TBC1D9: variants seen among roughly 807,000 people sequenced by gnomAD.
The protein encoded by TBC1D9 is TBC1 domain family member 9A.
TBC1D9 carries 63 observed loss-of-function variants against 132.0 expected under a neutral mutation model. The observed-to-expected ratio is 0.48, with a 90% confidence interval of 0.39 to 0.59. The LOEUF (loss-of-function observed/expected upper bound fraction) is 0.59. Ranked by LOEUF, TBC1D9 falls within the 20% of genes least tolerant of loss-of-function variation. TBC1D9 has a pLI of 0.00. For missense variants in TBC1D9, 1,261 were observed against 1,592.7 expected (o/e 0.79, Z 3.54); for synonymous variants, 610 against 609.9 (o/e 1.00, Z 0.00).
intron 1 of TBC1D9, among the ~76,000 whole-genome samples, chr4:140,736,870 TG>T (rs2111073746): frequency 6.6e-6 from 1 of 152,336 alleles, no homozygotes; most frequent in South Asian, 2.1e-4. Context: ...TCCATTCCCC[TG>T]TGGGGAAGCA....
chr4:140,661,650 C>T (rs1023902971), intron 10 of TBC1D9, among the ~76,000 whole-genome samples: 3 of 152,140 alleles, frequency 2.0e-5, no homozygotes, highest in Non-Finnish European at 4.4e-5. Flanking sequence ...TTGGTTGTTA[C>T]AACTGGGGAT....
chr4:140,688,214 C>T (rs554640380), intron 2 of TBC1D9, among the ~76,000 whole-genome samples: 7 of 152,318 alleles, frequency 4.6e-5, no homozygotes, highest in South Asian at 2.1e-4. Context: ...TAAGCTACCA[C>T]GTGTAAAAGC....
At chr4:140,687,361 T>TC (rs1451876207) in intron 2 of TBC1D9, among the ~76,000 whole-genome samples, 92 of 64,332 alleles carry the variant, frequency 1.4e-3, no homozygotes, top group African/African-American at 4.8e-3. Flanking sequence ...TATATATATA[T>TC]ATATATATAT....
At chr4:140,643,736 A>T (rs1737050711) in intron 13 of TBC1D9, 1 of 1,188,842 alleles carries the variant, frequency 8.4e-7, no homozygotes, top group Non-Finnish European at 1.2e-6. Context: ...GGCCCGGGGA[A>T]TCCACGCATG....
At chr4:140,729,359 T>C (rs1333805406) in intron 1 of TBC1D9, among the ~76,000 whole-genome samples, 1 of 152,200 alleles carries the variant, frequency 6.6e-6, no homozygotes, top group Non-Finnish European at 1.5e-5. Context: ...CAGAAGATTC[T>C]GATGATATGA....
intron 1 of TBC1D9, 36 bp downstream of exon 1, chr4:140,755,880 G>C: frequency 1.3e-6 from 2 of 1,503,034 alleles, no homozygotes; most frequent in Admixed American, 2.1e-5. Flanking sequence ...CAGCGCTCCC[G>C]GCTCCCCTCC....
intron 10 of TBC1D9, 32 bp downstream of exon 10, chr4:140,661,861 T>C (rs374302708): frequency 3.0e-5 from 46 of 1,550,336 alleles, no homozygotes; most frequent in Non-Finnish European, 3.7e-5. Flanking sequence ...TTTTATTTTA[T>C]TTTTTTAGCA....
In TBC1D9 at chr4:140,622,675, C is replaced by T. The variant is rs752873923; in HGVS notation, c.3321G>A (p.Val1107=). The T allele has an allele frequency of 3.1e-6, 5 of 1,610,698 alleles. No homozygotes were observed. The highest frequency in any genetic ancestry group is 2.7e-5 in the African/African-American group (2 of 74,928). The change falls in exon 21 of 21, where the codon GTG becomes GTA. Residue 1107 remains valine (V), a synonymous_variant. Coordinates refer to ENST00000442267, the MANE Select transcript of TBC1D9 (RefSeq NM_015130.3). ...TGGCCGGCAGGGGCTCAACAGACTC[C>T]ACCACGTAAGGCTGGCCTGGCCCTT... The part of the protein sequence containing the change: ...PKKGPGQPYV[V]ESVEPLPASL...
chr4:140,641,105 C>CAAAACCAAAAGAAAAAAAAAAAAA (rs1736984595), intron 13 of TBC1D9, among the ~76,000 whole-genome samples: 1 of 59,780 alleles, frequency 1.7e-5, no homozygotes, highest in Non-Finnish European at 3.1e-5. Context: ...AAAAAAAAAA[C>CAAAACCAAAAGAAAAAAAAAAAAA]AAAAAAAAAC....
At chr4:140,644,266 C>A in intron 13 of TBC1D9, 1 of 302,860 alleles carries the variant, frequency 3.3e-6, no homozygotes, top group Non-Finnish European at 6.5e-6. Flanking sequence ...TTCTCGACCA[C>A]GTTGTCGGGG....
At position 140,670,760 on chromosome 4, in the gene TBC1D9, T is replaced by C; in HGVS notation, c.1226A>G (p.Asp409Gly). The C allele has an allele frequency of 6.2e-7, 1 of 1,613,996 alleles. No homozygotes were observed. Among genetic ancestry groups the C allele is most frequent in the Non-Finnish European group, 8.5e-7 (1 of 1,179,898 alleles). ...LQQTTSKIYS[D>G]KEFAGSYNSS... ...GTTGTAACTTCCTGCAAACTCCTTG[T>C]CAGAATATATTTTGGAAGTAGTCTG... Residue 409 changes from aspartate to glycine, a missense_variant, in exon 7 of 21, where the codon GAC (aspartate) becomes GGC (glycine). Transcript: ENST00000442267.
In TBC1D9 at chr4:140,643,098, G is replaced by A. The variant is rs555621416; in HGVS notation, c.2338-3670C>T. On this transcript the variant is annotated intron_variant, in intron 13 of 20. Coordinates refer to ENST00000442267, the MANE Select transcript of TBC1D9 (RefSeq NM_015130.3). The stretch of plus-strand genomic sequence containing the variant: ...CTTATTGTGGGCTTCAGCTCCCGTG[G>A]GAGCCGCAGGTTCTTGAGCGGGTCC... 24 of 1,385,670 alleles carry A rather than the reference G, an allele frequency of 1.7e-5. No homozygotes were observed. The East Asian group carries it at 4.2e-4, about 24-fold the overall frequency. 85.8% of individuals were successfully genotyped at this position (1,385,670 alleles called of 1,614,324 possible). A position where few individuals can be genotyped will look rare whatever the true frequency, so the allele number is the denominator to read the frequency against.
In TBC1D9 at chr4:140,755,945, C is replaced by T. The variant is rs1309334071; in HGVS notation, c.101G>A (p.Gly34Asp). 1.9e-6 allele frequency: 3 copies of T among 1,591,652 alleles called. No individual in the cohort carries two copies. The East Asian group carries it at 6.9e-5, about 37-fold the overall frequency. ...FILQRRKGHAGDGGGGGGLAG... is the reference protein window; with the variant it reads ...FILQRRKGHADDGGGGGGLAG... ...CAGTCCGCCGCCGCCGCCTCCATCGCCGGCGTGGCCCTTCCTCCGCTGCAG... is the reference window on the plus strand; with the variant it reads ...CAGTCCGCCGCCGCCGCCTCCATCGTCGGCGTGGCCCTTCCTCCGCTGCAG... Residue 34 changes from glycine (G) to aspartate (D), a missense_variant, in exon 1 of 21, where the codon GGC becomes GAC. This residue lies in a region of TBC1D9 where 550 missense variants were observed against 699.0 expected (regional missense o/e 0.79). Coordinates refer to ENST00000442267, the MANE Select transcript of TBC1D9 (RefSeq NM_015130.3).
In TBC1D9 at chr4:140,669,619, G is replaced by C; in HGVS notation, c.1437+15C>G. On this transcript the variant is annotated intron_variant, in intron 8 of 20. Transcript: ENST00000442267. ...CAAATCTACAAAGTTTCAGGGAAAA[G>C]TGAGAGGCACCCACCAATTTCGGGT... is the stretch of plus-strand genomic sequence containing the variant. The C allele has an allele frequency of 6.3e-7, 1 of 1,594,736 alleles. No homozygotes were observed. Among genetic ancestry groups the C allele is most frequent in the Non-Finnish European group, 8.6e-7 (1 of 1,164,210 alleles).
At chr4:140,696,318 G>A (rs995493248) in intron 2 of TBC1D9, among the ~76,000 whole-genome samples, 3 of 151,808 alleles carry the variant, frequency 2.0e-5, no homozygotes, top group South Asian at 4.2e-4. Context: ...TTACCCAGGC[G>A]TGGTGGCAGG....
intron 6 of TBC1D9, among the ~76,000 whole-genome samples, chr4:140,676,103 C>T (rs546903390): frequency 6.6e-6 from 1 of 152,320 alleles, no homozygotes; most frequent in Admixed American, 6.5e-5. Context: ...CTATGCCCCA[C>T]AGCCCACCAA....
chr4:140,645,084 G>T, intron 13 of TBC1D9: 1 of 528,336 alleles, frequency 1.9e-6, no homozygotes. Context: ...TGGGCCCCAG[G>T]TCACCAGGAG....
intron 1 of TBC1D9, among the ~76,000 whole-genome samples, chr4:140,726,931 A>G (rs574110252): frequency 6.6e-6 from 1 of 152,286 alleles, no homozygotes; most frequent in African/African-American, 2.4e-5. Context: ...TCAATATCTC[A>G]TAACAACTGA....
At chr4:140,660,761 T>A (rs1464642577) in intron 10 of TBC1D9, among the ~76,000 whole-genome samples, 1 of 152,174 alleles carries the variant, frequency 6.6e-6, no homozygotes, top group East Asian at 1.9e-4. Context: ...GGGGGTTATT[T>A]AAATTGGAAG....
Sources: allele counts gnomAD v4.1 joint callset (sites outside exome capture counted in the v4.1 genomes callset), GRCh38; gene constraint gnomAD v4.1.1; regional missense constraint gnomAD v4.1.1; transcripts MANE v1.5; gene names NCBI Gene and HGNC (gene_info 2026-07-23, HGNC 2026-07-21).